PDE7B: variants seen among roughly 807,000 people sequenced by gnomAD.
PDE7B encodes 3',5'-cyclic-AMP phosphodiesterase 7B.
A neutral mutation model predicts 56.2 loss-of-function variants in PDE7B; 29 were observed. The ratio of observed to expected loss-of-function variants is 0.52; its 90% confidence interval spans 0.38 to 0.70. The LOEUF is 0.70. Among genes scored for constraint, PDE7B ranks in the 30% least tolerant of loss-of-function variants. The pLI, the probability that PDE7B is intolerant of heterozygous loss-of-function variation, is 0.00. For missense variants in PDE7B, 490 were observed against 565.0 expected, an observed-to-expected ratio of 0.87 and a Z score of 1.35; for synonymous variants, 197 against 196.9, an observed-to-expected ratio of 1.00 and a Z score of 0.00.
intron 8 of PDE7B, among the ~76,000 whole-genome samples, chr6:136,170,567 A>G (rs1778862321): frequency 6.6e-6 from 1 of 152,104 alleles, no homozygotes; most frequent in South Asian, 2.1e-4. Context: ...CTCACTTTTT[A>G]TTGAATGTTA....
intron 1 of PDE7B, among the ~76,000 whole-genome samples, chr6:135,872,435 C>T (rs1554263276): frequency 6.6e-6 from 1 of 151,532 alleles, no homozygotes; most frequent in Non-Finnish European, 1.5e-5. Flanking sequence ...TAAGACACTG[C>T]AAAAAAAATC....
At chr6:135,891,322 C>A (rs1775806648) in intron 1 of PDE7B, among the ~76,000 whole-genome samples, 1 of 152,126 alleles carries the variant, frequency 6.6e-6, no homozygotes, top group Admixed American at 6.5e-5. Flanking sequence ...AAATGAAAAT[C>A]TTTGTGTTGA....
At chr6:136,184,929 G>C (rs1779120613) in intron 11 of PDE7B, among the ~76,000 whole-genome samples, 1 of 152,150 alleles carries the variant, frequency 6.6e-6, no homozygotes, top group African/African-American at 2.4e-5. Flanking sequence ...ACCCTTGCAG[G>C]GTCCCCAGCC....
At chr6:135,960,504 A>G (rs1284485894) in intron 2 of PDE7B, among the ~76,000 whole-genome samples, 1 of 152,202 alleles carries the variant, frequency 6.6e-6, no homozygotes, top group Non-Finnish European at 1.5e-5. Flanking sequence ...TGCCTCAACA[A>G]TTGAAATGGT....
At chr6:135,912,318 T>C (rs1008731912) in intron 1 of PDE7B, among the ~76,000 whole-genome samples, 1 of 152,148 alleles carries the variant, frequency 6.6e-6, no homozygotes, top group African/African-American at 2.4e-5. Context: ...AAAATACAAA[T>C]TTAAAACTCA....
chr6:136,190,951 T>C (rs1028726152), intron 12 of PDE7B, among the ~76,000 whole-genome samples: 3 of 151,402 alleles, frequency 2.0e-5, no homozygotes, highest in African/African-American at 7.3e-5. Context: ...GAGGTGTCCT[T>C]TTCTGGTGTC....
At chr6:135,920,773 T>C (rs1052091446) in intron 1 of PDE7B, among the ~76,000 whole-genome samples, 2 of 152,190 alleles carry the variant, frequency 1.3e-5, no homozygotes, top group African/African-American at 4.8e-5. Flanking sequence ...ACAACCTAAG[T>C]AGAGGAAAAG....
At chr6:136,089,242 AGAG>A (rs1777344791) in intron 2 of PDE7B, among the ~76,000 whole-genome samples, 1 of 152,204 alleles carries the variant, frequency 6.6e-6, no homozygotes. Context: ...CTGGATAAAA[AGAG>A]GAGACTTTCA....
chr6:136,027,201 C>A (rs1326456466), intron 2 of PDE7B, among the ~76,000 whole-genome samples: 1 of 152,202 alleles, frequency 6.6e-6, no homozygotes, highest in Non-Finnish European at 1.5e-5. Context: ...GCCATCCAGT[C>A]TATGGCACTT....
At chr6:135,928,724 T>C (rs1255601148) in intron 1 of PDE7B, among the ~76,000 whole-genome samples, 1 of 151,378 alleles carries the variant, frequency 6.6e-6, no homozygotes, top group Non-Finnish European at 1.5e-5. Context: ...AAATACCACA[T>C]GTTCTCAATT....
chr6:136,133,312 T>TA lies in PDE7B; in HGVS notation c.167-14038dup, dbSNP rs369857066. On this transcript the variant is annotated intron_variant, in intron 3 of 12. Coordinates refer to ENST00000308191, the MANE Select transcript of PDE7B (RefSeq NM_018945.4). ...TAAAGGTTTTCTTTCTGGAAGTTTT[T>TA]AGAGATCAAAGTTTCTATCTAGGCC... Among the ~76,000 whole-genome samples, 1,163 of 151,872 alleles carry TA rather than the reference T, an allele frequency of 7.7e-3. 13 individuals are homozygous for TA. The highest frequency in any genetic ancestry group is 0.026 in the African/African-American group (1,076 of 41,514).
chr6:135,924,498 T>C (rs919541401), intron 1 of PDE7B, among the ~76,000 whole-genome samples: 1 of 152,072 alleles, frequency 6.6e-6, no homozygotes, highest in Non-Finnish European at 1.5e-5. Context: ...ACCATCTACT[T>C]GGTGTATCTG....
intron 2 of PDE7B, among the ~76,000 whole-genome samples, chr6:136,012,918 A>T (rs1775917348): frequency 6.6e-6 from 1 of 152,158 alleles, no homozygotes; most frequent in Non-Finnish European, 1.5e-5. Context: ...CACTGTGGAG[A>T]GCAGAATTAG....
chr6:136,040,904 G>A (rs1189148610), intron 2 of PDE7B, among the ~76,000 whole-genome samples: 4 of 152,086 alleles, frequency 2.6e-5, no homozygotes, highest in South Asian at 2.1e-4. Flanking sequence ...GATCTCCAGC[G>A]GCCTCCCGTC....
chr6:136,045,806 A>G (rs904900312), intron 2 of PDE7B, among the ~76,000 whole-genome samples: 2 of 152,162 alleles, frequency 1.3e-5, no homozygotes, highest in South Asian at 2.1e-4. Context: ...AATCACAGCT[A>G]GAGCTATGAT....
chr6:136,156,006 T>C (rs997124372), intron 8 of PDE7B: 7 of 598,348 alleles, frequency 1.2e-5, no homozygotes, highest in Non-Finnish European at 2.2e-5. Flanking sequence ...ACAATTGTTT[T>C]TTAAAATCTC....
chr6:136,113,881 T>C (rs1291680722), intron 3 of PDE7B, among the ~76,000 whole-genome samples: 2 of 152,176 alleles, frequency 1.3e-5, no homozygotes, highest in Non-Finnish European at 2.9e-5. Context: ...CCTGAGTAGA[T>C]AATGACTAGG....
At chr6:136,125,913 T>TAC (rs1180500915) in intron 3 of PDE7B, among the ~76,000 whole-genome samples, 3 of 152,182 alleles carry the variant, frequency 2.0e-5, no homozygotes, top group African/African-American at 7.2e-5. Context: ...TAATCTTTAC[T>TAC]ACCTTGATAG....
chr6:136,173,160 G>A (rs1778920721), intron 8 of PDE7B, among the ~76,000 whole-genome samples: 1 of 152,114 alleles, frequency 6.6e-6, no homozygotes, highest in East Asian at 1.9e-4. Flanking sequence ...CTACTTTAAA[G>A]TTCATATCGA....
Sources: allele counts gnomAD v4.1 joint callset (sites outside exome capture counted in the v4.1 genomes callset), GRCh38; gene constraint gnomAD v4.1.1; transcripts MANE v1.5; gene names NCBI Gene and HGNC (gene_info 2026-07-23, HGNC 2026-07-21).